RADX: variants seen among roughly 807,000 people sequenced by gnomAD.
RADX encodes RPA-related protein RADX.
A neutral mutation model predicts 61.6 loss-of-function variants in RADX; 36 were observed. That is an observed-to-expected ratio of 0.58 (90% CI 0.45 to 0.77). The LOEUF (loss-of-function observed/expected upper bound fraction) is 0.77, where lower values mean the gene tolerates loss of function less well. Ranked by LOEUF, RADX falls within the 30% of genes least tolerant of loss-of-function variation. RADX has a pLI of 0.00. For synonymous variants in RADX, 272 were observed against 237.9 expected, an observed-to-expected ratio of 1.14 and a Z score of -1.32; for missense variants, 497 against 651.1, an observed-to-expected ratio of 0.76 and a Z score of 2.58.
intron 12 of RADX, among the ~76,000 whole-genome samples, chrX:106,668,247 A>G (rs1928278403): frequency 1.8e-5 from 2 of 112,046 alleles, no homozygotes; most frequent in South Asian, 7.4e-4. Context: ...AGGAATCACT[A>G]TAAGGGATGA....
intron 13 of RADX, among the ~76,000 whole-genome samples, chrX:106,672,752 C>T (rs1446617616): frequency 8.9e-6 from 1 of 112,047 alleles, no homozygotes; most frequent in African/African-American, 3.2e-5. Context: ...CAGGTCCAGA[C>T]GTGCCATCCA....
chrX:106,662,384 G>T, intron 12 of RADX, 79 bp downstream of exon 12: 1 of 940,265 alleles, frequency 1.1e-6, no homozygotes, highest in Non-Finnish European at 1.4e-6. Context: ...AAAAATTTAA[G>T]CCCCTCCCAC....
chrX:106,648,196 C>A (rs1927710230), intron 10 of RADX, 117 bp from the exon 11 acceptor site: 2 of 418,135 alleles, frequency 4.8e-6, no homozygotes, highest in East Asian at 4.0e-5. Context: ...ACAAACTTAA[C>A]CTGTATATTT....
chrX:106,640,369 C>T, intron 9 of RADX, 183 bp from the exon 10 acceptor site: 1 of 335,985 alleles, frequency 3.0e-6, no homozygotes, highest in Non-Finnish European at 5.2e-6. Context: ...GTTTGTCTTC[C>T]TTTTAAAAAA....
chrX:106,633,405 G>GT (rs1569424558), intron 6 of RADX, among the ~76,000 whole-genome samples, 153 bp downstream of exon 6: 2 of 111,285 alleles, frequency 1.8e-5, no homozygotes. Flanking sequence ...TATTAATATC[G>GT]TTTTTTATAG....
chrX:106,655,793 A>T (rs1165777376), intron 11 of RADX, among the ~76,000 whole-genome samples: 1 of 112,171 alleles, frequency 8.9e-6, no homozygotes, highest in Non-Finnish European at 1.9e-5. Context: ...ATACTGCCAC[A>T]GTAAACATAC....
intron 13 of RADX, among the ~76,000 whole-genome samples, chrX:106,671,869 T>C (rs929679450): frequency 8.9e-6 from 1 of 112,142 alleles, no homozygotes; most frequent in Non-Finnish European, 1.9e-5. Context: ...GTAAGTTCTC[T>C]TTGCATATTA....
At chrX:106,640,755 A>G (rs1927492205) in intron 10 of RADX, 34 bp downstream of exon 10, 2 of 1,016,195 alleles carry the variant, frequency 2.0e-6, no homozygotes, top group Non-Finnish European at 2.6e-6. Context: ...TGTAAAGTAT[A>G]TTTTTTCTTT....
intron 1 of RADX, among the ~76,000 whole-genome samples, chrX:106,617,921 A>T (rs958666511): frequency 1.8e-5 from 2 of 112,331 alleles, no homozygotes; most frequent in Admixed American, 9.4e-5. Context: ...AGAGAAAAAA[A>T]ATTTATGCAG....
chrX:106,642,647 C>T (rs1927548520), intron 10 of RADX, among the ~76,000 whole-genome samples: 1 of 111,947 alleles, frequency 8.9e-6, no homozygotes, highest in Non-Finnish European at 1.9e-5. Flanking sequence ...TTTATCCACT[C>T]ATCTGTTGAT....
intron 12 of RADX, among the ~76,000 whole-genome samples, chrX:106,665,107 A>G (rs916697035): frequency 5.4e-5 from 6 of 112,059 alleles, no homozygotes; most frequent in South Asian, 3.7e-4. Flanking sequence ...AGACCAGACA[A>G]ATGGTTCATA....
At chrX:106,628,653 T>C (rs746421230) in intron 3 of RADX, among the ~76,000 whole-genome samples, 1 of 109,115 alleles carries the variant, frequency 9.2e-6, no homozygotes, top group South Asian at 4.0e-4. Context: ...AATTTTTTTT[T>C]TTTTTTTTGA....
intron 11 of RADX, among the ~76,000 whole-genome samples, chrX:106,654,561 A>G (rs755341420): frequency 1.8e-5 from 2 of 111,376 alleles, no homozygotes; most frequent in Non-Finnish European, 3.8e-5. Flanking sequence ...ATGTGCAGAA[A>G]ACTTAAACTG....
chrX:106,661,574 A>G (rs1309119929), intron 11 of RADX, among the ~76,000 whole-genome samples: 1 of 110,216 alleles, frequency 9.1e-6, no homozygotes, highest in Non-Finnish European at 1.9e-5. Context: ...AGGAGACTGT[A>G]TTTGTTCAGT....
In RADX at chrX:106,622,527, G is replaced by A. The variant is rs1269746034; in HGVS notation, c.644-124G>A. 9.0e-6 allele frequency: 5 copies of A among 555,510 alleles called. No homozygotes were observed. In the African/African-American group the frequency reaches 1.2e-4, roughly 13 times the overall value. 45.8% of individuals were successfully genotyped at this position (555,510 alleles called of 1,213,427 possible). A position where few individuals can be genotyped will look rare whatever the true frequency, so the allele number is the denominator to read the frequency against. ...AGAGGTAATAGACTTAGCTGGCAAG[G>A]TTTAGCTGGCAAGAAGGAGTCACTT... On this transcript the variant is annotated intron_variant, in intron 1 of 13. Coordinates refer to ENST00000372548, the MANE Select transcript of RADX (RefSeq NM_018015.6).
At position 106,619,145 on chromosome X, in the gene RADX, T is replaced by A. The variant is rs192012878; in HGVS notation, c.644-3506T>A. 6.9e-3 allele frequency among the ~76,000 whole-genome samples: 764 copies of A among 111,320 alleles called. 4 individuals carry two copies. Among genetic ancestry groups the A allele is most frequent in the Non-Finnish European group, 0.012 (632 of 53,082 alleles). On this transcript the variant is annotated intron_variant, in intron 1 of 13. Transcript: ENST00000372548. ...TCCTAGTTGTTACTGAATGTTTTTT[T>A]AAAAAATTTTATGGGTACATAGTAG...
At chrX:106,638,627 T>C (rs1927426226) in intron 8 of RADX, 1 of 112,352 alleles carries the variant, frequency 8.9e-6, no homozygotes, top group Non-Finnish European at 1.9e-5. Flanking sequence ...AGTTCAGATT[T>C]TGGAATTTTG....
At position 106,619,146 on chromosome X, in the gene RADX, A is replaced by T. The variant is rs1224380063; in HGVS notation, c.644-3505A>T. Among the ~76,000 whole-genome samples the T allele has an allele frequency of 6.3e-5, 7 of 110,559 alleles. No individual in the cohort carries two copies. In the East Asian group the frequency reaches 8.4e-4, roughly 13 times the overall value. On this transcript the variant is annotated intron_variant, in intron 1 of 13. Transcript: ENST00000372548. ...CCTAGTTGTTACTGAATGTTTTTTT[A>T]AAAAATTTTATGGGTACATAGTAGG...
At chrX:106,638,054 A>G (rs1178552018) in intron 8 of RADX, 130 bp downstream of exon 8, 4 of 519,849 alleles carry the variant, frequency 7.7e-6, no homozygotes, top group Non-Finnish European at 1.3e-5. Context: ...ATTCACCGAT[A>G]ATAGCTTTGT....
Sources: allele counts gnomAD v4.1 joint callset (sites outside exome capture counted in the v4.1 genomes callset), GRCh38; gene constraint gnomAD v4.1.1; transcripts MANE v1.5; gene names NCBI Gene and HGNC (gene_info 2026-07-23, HGNC 2026-07-21).